The following POGZ variants were observed in gnomAD, a reference collection of about 807,000 sequenced individuals.
The protein encoded by POGZ is pogo transposable element with ZNF domain.
A neutral mutation model predicts 134.6 loss-of-function variants in POGZ; 17 were observed. The ratio of observed to expected loss-of-function variants is 0.13; its 90% CI spans 0.09 to 0.19. POGZ has a LOEUF of 0.19. POGZ is among the 10% of genes least tolerant of loss of function. POGZ has a pLI of 1.00. For synonymous variants in POGZ, 693 were observed against 657.1 expected, an observed-to-expected ratio of 1.05 and a Z score of -0.84; for missense variants, 1,306 against 1,769.7, an observed-to-expected ratio of 0.74 and a Z score of 4.70.
chr1:151,442,771 T>C (rs1218532191), intron 1 of POGZ, among the ~76,000 whole-genome samples: 2 of 150,928 alleles, frequency 1.3e-5, no homozygotes, highest in African/African-American at 4.9e-5. Flanking sequence ...TGGCTTATGC[T>C]TGTAATCCCG....
intron 7 of POGZ, chr1:151,426,284 T>A (rs543170476): frequency 5.3e-4 from 81 of 152,176 alleles, no homozygotes; most frequent in African/African-American, 1.9e-3. Flanking sequence ...CCTTCCAGGT[T>A]CAAGCAATTC....
At position 151,408,450 on chromosome 1, in the gene POGZ, G is replaced by C. The variant is rs770092722; in HGVS notation, c.2193C>G (p.Pro731=). 9 of 1,594,478 alleles carry C rather than the reference G, an allele frequency of 5.6e-6. No homozygotes were observed. The highest frequency in any genetic ancestry group is 7.7e-6 in the Non-Finnish European group (9 of 1,175,226). ...TCTTCTGGATGCTGCGCTGGACAGGGGGATAAAGGAAGACAGGCAGAGGGT... is the reference window on the plus strand; with the variant it reads ...TCTTCTGGATGCTGCGCTGGACAGGCGGATAAAGGAAGACAGGCAGAGGGT... ...SMDPLPVFLY[P]PVQRSIQKRA... The change falls in exon 14 of 19, where the codon CCC becomes CCG. Residue 731 remains proline (P), a synonymous_variant. Transcript: ENST00000271715.
intron 3 of POGZ, 170 bp downstream of exon 3, chr1:151,440,758 A>G (rs899968726): frequency 2.4e-5 from 13 of 532,812 alleles, no homozygotes; most frequent in Non-Finnish European, 4.0e-5. Context: ...TAGAAGGAAT[A>G]GCACCATCTA....
chr1:151,432,970 T>C (rs955208848), intron 3 of POGZ, among the ~76,000 whole-genome samples: 9 of 152,220 alleles, frequency 5.9e-5, no homozygotes, highest in Non-Finnish European at 7.3e-5. Flanking sequence ...TCTCTTTCTA[T>C]CCTTTTGAAA....
Position 151,428,231 on chromosome 1 carries a change from A to G in POGZ, c.751T>C (p.Ser251Pro). ...VPQSQSQQTKSTPSTSTTPTA... is the reference protein window; with the variant it reads ...VPQSQSQQTKPTPSTSTTPTA... Reference sequence around the variant, plus strand: ...GGAGTGGTAGAAGTGCTGGGAGTGGACTTGGTCTGCTGGGACTGGGACTGT... The same window carrying G: ...GGAGTGGTAGAAGTGCTGGGAGTGGGCTTGGTCTGCTGGGACTGGGACTGT... The change falls in exon 6 of 19, where the codon TCC (serine) becomes CCC (proline). Residue 251 changes from serine to proline, a missense_variant. Around this residue, in one of 10 missense-constraint regions of POGZ, gnomAD observed 541 missense variants for 680.5 expected, o/e 0.80. Transcript: ENST00000271715. 6.2e-7 allele frequency: 1 copy of G among 1,614,002 alleles called. No individual in the cohort carries two copies. Among genetic ancestry groups the G allele is most frequent in the Non-Finnish European group, 8.5e-7 (1 of 1,179,924 alleles).
intron 10 of POGZ, among the ~76,000 whole-genome samples, chr1:151,421,574 A>G (rs2102259624): frequency 6.6e-6 from 1 of 152,340 alleles, no homozygotes; most frequent in Non-Finnish European, 1.5e-5. Flanking sequence ...AAAGATGGGA[A>G]GATAAGATCT....
At chr1:151,439,973 G>A (rs2102358838) in intron 3 of POGZ, among the ~76,000 whole-genome samples, 1 of 152,204 alleles carries the variant, frequency 6.6e-6, no homozygotes, top group East Asian at 1.9e-4. Flanking sequence ...CATCAAAAAT[G>A]TTATAGATGA....
In POGZ at chr1:151,430,895, C is replaced by T. The variant is rs946187121; in HGVS notation, c.284-54G>A. On this transcript the variant is annotated intron_variant, in intron 3 of 18. Transcript: ENST00000271715. ...GGAATGTTAGAAACAATGTTAAACC[C>T]ACATTTTACTTTATTTTATTTTATT... The T allele has an allele frequency of 8.6e-6, 10 of 1,161,270 alleles. No homozygotes were observed. The African/African-American group carries it at 1.6e-4, about 18-fold the overall frequency. 71.9% of individuals were successfully genotyped at this position (1,161,270 alleles called of 1,614,324 possible).
intron 8 of POGZ, 136 bp from the exon 9 acceptor site, chr1:151,424,422 A>C: frequency 1.7e-6 from 1 of 587,066 alleles, no homozygotes; most frequent in Non-Finnish European, 2.9e-6. Flanking sequence ...AGTTTTTTTT[A>C]GCGTTTCCAA....
At chr1:151,445,937 C>G (rs1001781555) in intron 1 of POGZ, among the ~76,000 whole-genome samples, 8 of 151,618 alleles carry the variant, frequency 5.3e-5, no homozygotes, top group Admixed American at 2.6e-4. Flanking sequence ...AAAAGGAAAT[C>G]TTATACTAAC....
chr1:151,445,653 C>T (rs1192764182), intron 1 of POGZ, among the ~76,000 whole-genome samples: 2 of 151,156 alleles, frequency 1.3e-5, no homozygotes, highest in African/African-American at 2.4e-5. Flanking sequence ...TAAGGTTTGT[C>T]AACTCAGAAA....
chr1:151,446,797 A>G, intron 1 of POGZ, among the ~76,000 whole-genome samples: 1 of 150,518 alleles, frequency 6.6e-6, no homozygotes, highest in East Asian at 2.0e-4. Flanking sequence ...TTGGATGGGC[A>G]GTAAATTTGG....
At chr1:151,413,562 G>A (rs1655070487) in intron 10 of POGZ, among the ~76,000 whole-genome samples, 1 of 152,088 alleles carries the variant, frequency 6.6e-6, no homozygotes, top group Non-Finnish European at 1.5e-5. Flanking sequence ...GAAGCTTAAA[G>A]CCTTGGGCAT....
chr1:151,423,326 T>G, intron 10 of POGZ, 71 bp downstream of exon 10: 1 of 1,276,584 alleles, frequency 7.8e-7, no homozygotes, highest in South Asian at 1.2e-5. Context: ...TATAATGGGC[T>G]CCCCCCAGCG....
intron 12 of POGZ, among the ~76,000 whole-genome samples, chr1:151,410,733 T>C (rs1470255933): frequency 2.0e-5 from 3 of 152,228 alleles, no homozygotes; most frequent in Non-Finnish European, 4.4e-5. Flanking sequence ...CCACAGATAC[T>C]GCTAACTTAC....
rs559322944 is a variant in POGZ at position 151,456,901 on chromosome 1, A to C, written c.-2+2251T>G. On this transcript the variant is annotated intron_variant, in intron 1 of 18. Coordinates refer to ENST00000271715, the MANE Select transcript of POGZ (RefSeq NM_015100.4). ...CTCAAAAAAATAAAAATAGAATAAT[A>C]AATTTTACTGCTTCAAGGGCATTCT... is the stretch of plus-strand genomic sequence containing the variant. Among the ~76,000 whole-genome samples the C allele has an allele frequency of 5.9e-5, 9 of 152,318 alleles. No individual in the cohort carries two copies. The South Asian group carries it at 1.0e-3, about 18-fold the overall frequency.
chr1:151,434,432 C>T (rs1009151185), intron 3 of POGZ, among the ~76,000 whole-genome samples: 5 of 151,926 alleles, frequency 3.3e-5, no homozygotes, highest in Non-Finnish European at 7.4e-5. Flanking sequence ...CAGCTGTGTT[C>T]GTGCCACTAC....
chr1:151,423,279 A>G lies in POGZ; in HGVS notation c.1678+118T>C, dbSNP rs74125967. ...TAAAGAACTGGCTACAAATATGAAAAGTACTTCCTCTACACTGTTACCCAC... is the reference window on the plus strand; with the variant it reads ...TAAAGAACTGGCTACAAATATGAAAGGTACTTCCTCTACACTGTTACCCAC... On this transcript the variant is annotated intron_variant, in intron 10 of 18. Transcript: ENST00000271715. 2.8e-3 allele frequency: 2,286 copies of G among 823,388 alleles called. 43 individuals are homozygous for G. The African/African-American group carries it at 0.036, about 13-fold the overall frequency. The allele number at this position is 823,388 out of a possible 1,614,324, so 51.0% of individuals were successfully genotyped here.
intron 12 of POGZ, among the ~76,000 whole-genome samples, chr1:151,410,240 T>A (rs1426622008): frequency 6.6e-6 from 1 of 152,222 alleles, no homozygotes; most frequent in African/African-American, 2.4e-5. Flanking sequence ...CTTCTTCCTC[T>A]GGATTTACCT....
Sources: allele counts gnomAD v4.1 joint callset (sites outside exome capture counted in the v4.1 genomes callset), GRCh38; gene constraint gnomAD v4.1.1; regional missense constraint gnomAD v4.1.1; transcripts MANE v1.5; gene names NCBI Gene and HGNC (gene_info 2026-07-23, HGNC 2026-07-21).